KCNK10: variants seen among roughly 807,000 people sequenced by gnomAD.
KCNK10 encodes the protein potassium channel subfamily K member 10.
KCNK10 carries 25 observed loss-of-function variants against 47.7 expected under a neutral mutation model. That is an observed-to-expected ratio of 0.52 (90% confidence interval 0.38 to 0.73). KCNK10 has a LOEUF of 0.73. KCNK10 is among the 30% of genes least tolerant of loss of function. KCNK10 has a pLI of 0.00. For synonymous variants in KCNK10, 303 were observed against 285.6 expected, an observed-to-expected ratio of 1.06 and a Z score of -0.61; for missense variants, 563 against 714.5, an observed-to-expected ratio of 0.79 and a Z score of 2.42.
chr14:88,326,192 A>ACCGC, upstream of KCNK10, among the ~76,000 whole-genome samples: 1 of 69,520 alleles, frequency 1.4e-5, no homozygotes, highest in Non-Finnish European at 3.3e-5. Context: ...CCCCCCCCCA[A>ACCGC]AAAAAAATCC....
rs754310387 is a variant in KCNK10, at chr14:88,235,284, C to T, written c.520+5419G>A. ...CCAGGAATATCCAGTTTGCCTGGGG[C>T]CAGGTATTTTAAAAAGAAGTTGACC... On this transcript the variant is annotated intron_variant, in intron 3 of 6. Transcript: ENST00000319231. The T allele has an allele frequency of 2.2e-5, 10 of 455,256 alleles. 1 individual carries two copies. Among genetic ancestry groups the T allele is most frequent in the South Asian group, 1.6e-4 (10 of 64,332 alleles). The allele number at this position is 455,256 out of a possible 1,614,324, so 28.2% of individuals were successfully genotyped here.
chr14:88,309,150 T>C (rs1192431834), intron 1 of KCNK10, among the ~76,000 whole-genome samples: 1 of 152,184 alleles, frequency 6.6e-6, no homozygotes, highest in East Asian at 1.9e-4. Context: ...AAGAAATGGA[T>C]AGATGTCTTC....
At chr14:88,189,232 A>G (rs545199364) in intron 5 of KCNK10, among the ~76,000 whole-genome samples, 1 of 152,226 alleles carries the variant, frequency 6.6e-6, no homozygotes, top group East Asian at 1.9e-4. Context: ...AACACAGCGC[A>G]GCAGACCATG....
chr14:88,326,772 G>C, upstream of KCNK10: 1 of 331,322 alleles, frequency 3.0e-6, no homozygotes, highest in Non-Finnish European at 5.5e-6. Context: ...CGTGTGGCCC[G>C]GCATGGGAAG....
intron 1 of KCNK10, among the ~76,000 whole-genome samples, chr14:88,284,541 C>A (rs1459719440): frequency 6.6e-6 from 1 of 152,180 alleles, no homozygotes; most frequent in Admixed American, 6.5e-5. Flanking sequence ...CCCTGGCAAA[C>A]CACTGGTGTA....
Position 88,263,302 on chromosome 14 carries a change from G to T in KCNK10, c.302C>A (p.Pro101His). ...GGLVFRALEQ[P>H]FESSQKNTIA... ...GGTATTCTTCTGGCTGCTCTCAAAG[G>T]GCTGCTCCAATGCCCGGAAGACAAG... Residue 101 changes from proline to histidine, a missense_variant, in exon 2 of 7, where the codon CCC becomes CAC. Coordinates refer to ENST00000319231, the MANE Select transcript of KCNK10 (RefSeq NM_138317.3). The T allele has an allele frequency of 6.2e-7, 1 of 1,614,082 alleles. No homozygotes were observed. The highest frequency in any genetic ancestry group is 8.5e-7 in the Non-Finnish European group (1 of 1,180,042).
intron 1 of KCNK10, among the ~76,000 whole-genome samples, chr14:88,304,461 A>G (rs1004194580): frequency 3.3e-5 from 5 of 152,250 alleles, no homozygotes; most frequent in Admixed American, 2.0e-4. Flanking sequence ...TAACCCCGAA[A>G]TCAAATCAAT....
chr14:88,247,092 G>C (rs181927652), intron 2 of KCNK10, among the ~76,000 whole-genome samples: 1 of 152,280 alleles, frequency 6.6e-6, no homozygotes, highest in Admixed American at 6.5e-5. Flanking sequence ...AGCAAACAAT[G>C]CTCTTAGAAT....
At chr14:88,321,283 C>G (rs1888540515) in intron 1 of KCNK10, among the ~76,000 whole-genome samples, 1 of 152,204 alleles carries the variant, frequency 6.6e-6, no homozygotes, top group South Asian at 2.1e-4. Flanking sequence ...GTCCAAGTGT[C>G]ATGTCCTCAG....
intron 4 of KCNK10, among the ~76,000 whole-genome samples, chr14:88,194,891 C>G (rs1884862403): frequency 1.3e-5 from 2 of 152,158 alleles, no homozygotes; most frequent in South Asian, 2.1e-4. Flanking sequence ...GCGCGTCTTG[C>G]ATGTGTATGT....
chr14:88,254,885 C>T (rs200241253), intron 2 of KCNK10, among the ~76,000 whole-genome samples: 8 of 151,800 alleles, frequency 5.3e-5, no homozygotes, highest in African/African-American at 1.9e-4. Flanking sequence ...AGAAGAAAGA[C>T]GGGTGGGAGA....
At chr14:88,233,368 T>C (rs1333749464) in intron 3 of KCNK10, among the ~76,000 whole-genome samples, 1 of 152,174 alleles carries the variant, frequency 6.6e-6, no homozygotes, top group Admixed American at 6.5e-5. Context: ...TTACCTTTAG[T>C]AAGAAAGAGA....
rs1884505486 is a variant in KCNK10 at position 88,185,310 on chromosome 14, C to T, written c.*225G>A. 3.4e-6 allele frequency: 2 copies of T among 594,414 alleles called. No homozygotes were observed. The highest frequency in any genetic ancestry group is 6.9e-5 in the Admixed American group (2 of 28,904). The allele number at this position is 594,414 out of a possible 1,614,324, so 36.8% of individuals were successfully genotyped here. Reference sequence around the variant, plus strand: ...GGCCAGAACCGGCTACGTGCACGGACACTCTTGGTGTGTCCTGCGTTTGCT... The same window carrying T: ...GGCCAGAACCGGCTACGTGCACGGATACTCTTGGTGTGTCCTGCGTTTGCT... On this transcript the variant is annotated 3_prime_UTR_variant, in exon 7 of 7. Transcript: ENST00000319231. The surrounding 1 kb of genome is among the most constrained non-coding windows in gnomAD (Gnocchi z 4.3).
Position 88,185,673 on chromosome 14 carries a change from C to T in KCNK10, c.1494G>A (p.Met498Ile), listed in dbSNP as rs1330150787. ...CTGTGCTGGAGTTGTCTGAGTTACA[C>T]ATCTTTTCCGTCTCCTCCTCTTTCT... is the stretch of plus-strand genomic sequence containing the variant. ...EEKKEEETEKMCNSDNSSTAM... is the reference protein window; with the variant it reads ...EEKKEEETEKICNSDNSSTAM... The change falls in exon 7 of 7, where the codon ATG becomes ATA. Residue 498 changes from methionine (M) to isoleucine (I), a missense_variant. Coordinates refer to ENST00000319231, the MANE Select transcript of KCNK10 (RefSeq NM_138317.3). The surrounding 1 kb of genome is among the most constrained non-coding windows in gnomAD (Gnocchi z 4.3). 1 of 1,614,076 alleles carries T rather than the reference C, an allele frequency of 6.2e-7. No individual in the cohort carries two copies. Among genetic ancestry groups the T allele is most frequent in the African/African-American group, 1.3e-5 (1 of 74,904 alleles).
chr14:88,220,092 T>G (rs1051276854), intron 4 of KCNK10, among the ~76,000 whole-genome samples: 1 of 152,036 alleles, frequency 6.6e-6, no homozygotes, highest in Non-Finnish European at 1.5e-5. Context: ...AGAAAAAAAT[T>G]GGAGGACTGA....
intron 6 of KCNK10, among the ~76,000 whole-genome samples, chr14:88,187,708 T>C (rs1406037244): frequency 6.6e-6 from 1 of 151,882 alleles, no homozygotes; most frequent in Non-Finnish European, 1.5e-5. Context: ...TGTTGTTTAC[T>C]AGTTTTTCCA....
chr14:88,194,630 A>G (rs1274342260), intron 4 of KCNK10, among the ~76,000 whole-genome samples: 3 of 152,168 alleles, frequency 2.0e-5, no homozygotes, highest in African/African-American at 7.2e-5. Context: ...GATGGGCAGG[A>G]GGGAAGATGG....
intron 3 of KCNK10, among the ~76,000 whole-genome samples, chr14:88,230,344 A>G (rs1350235409): frequency 6.6e-6 from 1 of 152,164 alleles, no homozygotes; most frequent in East Asian, 1.9e-4. Flanking sequence ...AACCAACTCC[A>G]CAAGGGCAAA....
At chr14:88,289,417 A>T (rs533477501) in intron 1 of KCNK10, among the ~76,000 whole-genome samples, 1 of 152,308 alleles carries the variant, frequency 6.6e-6, no homozygotes, top group Admixed American at 6.5e-5. Flanking sequence ...ATGCCCTTAC[A>T]CAGTTTTTTA....
Sources: gnomAD v4.1 joint callset for allele counts (sites outside exome capture counted in the v4.1 genomes callset) on GRCh38, gnomAD v4.1.1 for gene constraint, Gnocchi (gnomAD v3.1) non-coding constraint, MANE v1.5 for transcripts, NCBI Gene and HGNC (gene_info 2026-07-23, HGNC 2026-07-21) for gene names.